The following THAP3 variants were observed in gnomAD, a reference collection of about 807,000 sequenced individuals.
The protein encoded by THAP3 is THAP domain-containing protein 3.
THAP3 carries 12 observed loss-of-function variants against 17.7 expected under a neutral mutation model. The ratio of observed to expected loss-of-function variants is 0.68; its 90% CI spans 0.43 to 1.10. THAP3 has a LOEUF of 1.10. Ranked by LOEUF, THAP3 falls within the 50% of genes least tolerant of loss-of-function variation. THAP3 has a pLI of 0.00. For missense variants in THAP3, 289 were observed against 318.0 expected (o/e 0.91, Z 0.69); for synonymous variants, 133 against 126.9 (o/e 1.05, Z -0.32).
chr1:6,634,608 G>C (rs1452053993), downstream of THAP3: 1 of 1,366,332 alleles, frequency 7.3e-7, no homozygotes, highest in Non-Finnish European at 9.8e-7. Flanking sequence ...CGAGAGACAG[G>C]CCTCACGTAA....
At position 6,632,448 on chromosome 1, in the gene THAP3, C is replaced by T. The variant is rs1006757518; in HGVS notation, c.391C>T (p.Leu131Phe). The change falls in exon 5 of 6, where the codon CTT becomes TTT. Residue 131 changes from leucine to phenylalanine, a missense_variant. By Grantham distance (22) the Leu-to-Phe change is conservative. Coordinates refer to ENST00000054650, the MANE Select transcript of THAP3 (RefSeq NM_001195753.2). ...TCCTGGGAGAAACATGGACACTGCACTTGAAGAGCTTCAGTTGCCCCCAAA... is the reference window on the plus strand; with the variant it reads ...TCCTGGGAGAAACATGGACACTGCATTTGAAGAGCTTCAGTTGCCCCCAAA... ...DSPGRNMDTA[L>F]EELQLPPNAE... 6.2e-7 allele frequency: 1 copy of T among 1,614,062 alleles called. No homozygotes were observed. Among genetic ancestry groups the T allele is most frequent in the Non-Finnish European group, 8.5e-7 (1 of 1,180,046 alleles).
intron 2 of THAP3, 21 bp from the exon 3 acceptor site, chr1:6,628,478 A>G (rs970017785): frequency 6.3e-7 from 1 of 1,590,724 alleles, no homozygotes; most frequent in East Asian, 2.2e-5. Flanking sequence ...TGGGCCTCAC[A>G]CCCCGTGCCT....
chr1:6,633,564 G>A (rs985138698), downstream of THAP3: 11 of 1,061,828 alleles, frequency 1.0e-5, no homozygotes, highest in African/African-American at 3.5e-5. Flanking sequence ...CTTTCTATAC[G>A]GTGTCGCTCC....
At chr1:6,631,494 C>T (rs577095492) in intron 4 of THAP3, among the ~76,000 whole-genome samples, 3 of 151,900 alleles carry the variant, frequency 2.0e-5, no homozygotes, top group South Asian at 2.1e-4. Flanking sequence ...CCGGGCTGGG[C>T]GCAGTGGCTT....
Position 6,625,145 on chromosome 1 carries a change from CGCAGGT to C in THAP3, c.-69-4_-68del. ...ACCTCCCAGCGGCCCCGCCCCTCCC[CGCAGGT>C]CCCTCCCCTCTCCGCAGGCCCCGCC... On this transcript the variant is annotated splice_acceptor_variant and splice_polypyrimidine_tract_variant and 5_prime_UTR_variant and intron_variant, in exon 2 of 6. Coordinates refer to ENST00000054650, the MANE Select transcript of THAP3 (RefSeq NM_001195753.2). LOFTEE classifies it low-confidence loss of function (5UTR_SPLICE). The C allele has an allele frequency of 6.8e-6, 10 of 1,470,584 alleles. No homozygotes were observed. The highest frequency in any genetic ancestry group is 9.1e-6 in the Non-Finnish European group (10 of 1,098,190). The allele number at this position is 1,470,584 out of a possible 1,614,324, so 91.1% of individuals were successfully genotyped here.
At chr1:6,634,125 C>G (rs1441109725), downstream of THAP3, 14 of 1,580,820 alleles carry the variant, frequency 8.9e-6, no homozygotes, top group Non-Finnish European at 1.2e-5. Flanking sequence ...GGGGTTCCCT[C>G]CCTCCTGAAG....
downstream of THAP3, chr1:6,633,678 G>GT (rs1249266875): frequency 2.6e-6 from 2 of 777,554 alleles, no homozygotes; most frequent in African/African-American, 1.9e-5. Flanking sequence ...AGAGGCCGAG[G>GT]TGGGGAGATC....
At chr1:6,628,755 G>A in intron 3 of THAP3, 64 bp downstream of exon 3, 1 of 1,505,460 alleles carries the variant, frequency 6.6e-7, no homozygotes, top group Non-Finnish European at 9.0e-7. Flanking sequence ...AGCAGCTGGG[G>A]GCAGTGGGGG....
Position 6,633,547 on chromosome 1 carries a change from A to G in THAP3, c.*470A>G, listed in dbSNP as rs755534812. 38 of 1,089,852 alleles carry G rather than the reference A, an allele frequency of 3.5e-5. No individual in the cohort carries two copies. The highest frequency in any genetic ancestry group is 4.1e-5 in the Non-Finnish European group (37 of 893,206). The allele number at this position is 1,089,852 out of a possible 1,614,324, so 67.5% of individuals were successfully genotyped here. On this transcript the variant is annotated 3_prime_UTR_variant, in exon 6 of 6. Transcript: ENST00000054650. ...GCCTGGTGTGAGTGGGCAGTGTAAT[A>G]AAGTGTCTTTCTATACGGTGTCGCT...
At chr1:6,625,485 G>C (rs900763263) in intron 2 of THAP3, among the ~76,000 whole-genome samples, 193 bp downstream of exon 2, 114 of 151,826 alleles carry the variant, frequency 7.5e-4, no homozygotes, top group Non-Finnish European at 1.2e-3. Context: ...GCGGACGGAG[G>C]GGCAGCGGCG....
At chr1:6,631,420 G>A (rs1485674665) in intron 4 of THAP3, among the ~76,000 whole-genome samples, 1 of 152,178 alleles carries the variant, frequency 6.6e-6, no homozygotes, top group African/African-American at 2.4e-5. Context: ...TTGAGGCTAG[G>A]AGTTTGAGAC....
chr1:6,625,628 C>T (rs1641448003), intron 2 of THAP3, among the ~76,000 whole-genome samples: 1 of 152,152 alleles, frequency 6.6e-6, no homozygotes, highest in African/African-American at 2.4e-5. Context: ...CTGAAGGGAG[C>T]CCGGCACCTG....
At position 6,632,900 on chromosome 1, in the gene THAP3, C is replaced by T; in HGVS notation, c.543C>T (p.Ala181=). The change falls in exon 6 of 6, where the codon GCC becomes GCT. Residue 181 remains alanine, a synonymous_variant. Coordinates refer to ENST00000054650, the MANE Select transcript of THAP3 (RefSeq NM_001195753.2). ...PNKQPSDHSY[A]LLDLDSLKKK... is the part of the protein sequence containing the mutation. ...AGCAGCCATCTGATCACAGCTATGC[C>T]CTTTTGGACTTAGATTCCCTGAAGA... 1 of 1,612,956 alleles carries T rather than the reference C, an allele frequency of 6.2e-7. No individual in the cohort carries two copies. Among genetic ancestry groups the T allele is most frequent in the Non-Finnish European group, 8.5e-7 (1 of 1,179,908 alleles).
Position 6,633,035 on chromosome 1 carries a change from C to A in THAP3, c.678C>A (p.His226Gln), listed in dbSNP as rs753410343. 1.1e-5 allele frequency: 17 copies of A among 1,609,610 alleles called. No homozygotes were observed. The Admixed American group carries it at 2.9e-4, about 27-fold the overall frequency. The change falls in exon 6 of 6, where the codon CAC becomes CAA. Residue 226 changes from histidine to glutamine, a missense_variant. His to Gln is a conservative substitution (Grantham distance 24). Transcript: ENST00000054650. ...GCCGCCTCCGTGCTTGCAAAGGGCA[C>A]CAGGGACTCCAGGCCAGACTTGGGC... ...MSSRLRACKG[H>Q]QGLQARLGPE...
chr1:6,625,129 C>T (rs912099098), intron 1 of THAP3, 21 bp from the exon 2 acceptor site: 12 of 1,387,004 alleles, frequency 8.7e-6, no homozygotes, highest in South Asian at 1.3e-5. Flanking sequence ...CACCTCCCAG[C>T]GGCCCCGCCC....
rs376950221 is a variant in THAP3, at chr1:6,628,450, C to T, written c.75-49C>T. Reference sequence around the variant, plus strand: ...GTGAAAATTCCGAATGACTCTGAGGCGCTGGGTCCAGCCTTGCTGGGCCTC... The same window carrying T: ...GTGAAAATTCCGAATGACTCTGAGGTGCTGGGTCCAGCCTTGCTGGGCCTC... On this transcript the variant is annotated intron_variant, in intron 2 of 5. Coordinates refer to ENST00000054650, the MANE Select transcript of THAP3 (RefSeq NM_001195753.2). The T allele has an allele frequency of 3.1e-5, 47 of 1,514,664 alleles. No homozygotes were observed. In the East Asian group the frequency reaches 3.7e-4, roughly 12 times the overall value. The allele number at this position is 1,514,664 out of a possible 1,614,324, so 93.8% of individuals were successfully genotyped here.
intron 3 of THAP3, among the ~76,000 whole-genome samples, chr1:6,630,053 C>T (rs1422887591): frequency 6.6e-6 from 1 of 152,234 alleles, no homozygotes; most frequent in Non-Finnish European, 1.5e-5. Context: ...CCTAGCTCTA[C>T]AGGGACCTAT....
At chr1:6,634,374 A>T (rs1275387809), downstream of THAP3, 3 of 1,157,868 alleles carry the variant, frequency 2.6e-6, no homozygotes, top group Non-Finnish European at 3.4e-6. Context: ...AATGTTACAG[A>T]ATTGGACAAC....
In THAP3 at chr1:6,632,409, G is replaced by A. The variant is rs373747883; in HGVS notation, c.352G>A (p.Ala118Thr). 1.1e-5 allele frequency: 18 copies of A among 1,613,704 alleles called. No individual in the cohort carries two copies. Among genetic ancestry groups the A allele is most frequent in the Non-Finnish European group, 1.5e-5 (18 of 1,179,972 alleles). ...QKEKVLPEAG[A>T]GEDSPGRNMD... is the part of the protein sequence containing the mutation. ...TTCCCAGGTCCTCCCTGAGGCGGGG[G>A]CCGGAGAGGACAGTCCTGGGAGAAA... Residue 118 changes from alanine (A) to threonine (T), a missense_variant, in exon 5 of 6, where the codon GCC (alanine) becomes ACC (threonine). Transcript: ENST00000054650.
Sources: allele counts gnomAD v4.1 joint callset (sites outside exome capture counted in the v4.1 genomes callset), GRCh38; gene constraint gnomAD v4.1.1; transcripts MANE v1.5; gene names NCBI Gene and HGNC (gene_info 2026-07-23, HGNC 2026-07-21).